The following ADGRB3 variants were observed in gnomAD, a reference collection of about 807,000 sequenced individuals.
ADGRB3 encodes the protein adhesion G protein-coupled receptor B3.
ADGRB3 carries 37 observed loss-of-function variants against 193.4 expected under a neutral mutation model. The observed-to-expected ratio is 0.19, with a 90% CI of 0.15 to 0.25. ADGRB3 has a LOEUF of 0.25. Among genes scored for constraint, ADGRB3 ranks in the 10% least tolerant of loss-of-function variants. The pLI, the probability that ADGRB3 is intolerant of heterozygous loss-of-function variation, is 1.00. For synonymous variants in ADGRB3, 690 were observed against 644.2 expected (o/e 1.07, Z -1.08); for missense variants, 1,637 against 1,852.9 (o/e 0.88, Z 2.14).
chr6:68,643,947 T>A (rs1467242414), intron 3 of ADGRB3, among the ~76,000 whole-genome samples: 11 of 147,940 alleles, frequency 7.4e-5, no homozygotes, highest in African/African-American at 1.5e-4. Flanking sequence ...AAAAAAAAAA[T>A]TCCATCTAAC....
At chr6:69,311,764 G>A (rs1400206493) in intron 20 of ADGRB3, among the ~76,000 whole-genome samples, 1 of 151,584 alleles carries the variant, frequency 6.6e-6, no homozygotes, top group Admixed American at 6.6e-5. Flanking sequence ...ATGTGCTTTA[G>A]ATTTCATTTC....
At chr6:69,085,844 T>C (rs576220211) in intron 17 of ADGRB3, among the ~76,000 whole-genome samples, 2 of 151,880 alleles carry the variant, frequency 1.3e-5, no homozygotes, top group East Asian at 3.9e-4. Flanking sequence ...AAATATAGAT[T>C]TGAATGAACA....
intron 12 of ADGRB3, among the ~76,000 whole-genome samples, chr6:69,015,657 C>T (rs1044287286): frequency 6.6e-6 from 1 of 151,908 alleles, no homozygotes; most frequent in African/African-American, 2.4e-5. Flanking sequence ...AAATGTAGAA[C>T]AGACCTCTGT....
chr6:69,322,386 G>A (rs1768477318), intron 20 of ADGRB3, among the ~76,000 whole-genome samples: 1 of 151,870 alleles, frequency 6.6e-6, no homozygotes, highest in African/African-American at 2.4e-5. Flanking sequence ...GGATTGCTGG[G>A]TCAAGTGATA....
intron 17 of ADGRB3, among the ~76,000 whole-genome samples, chr6:69,228,626 A>G (rs1292703640): frequency 6.6e-6 from 1 of 152,214 alleles, no homozygotes; most frequent in Non-Finnish European, 1.5e-5. Context: ...TGGTGATGGG[A>G]AAGTACCTGC....
intron 3 of ADGRB3, among the ~76,000 whole-genome samples, chr6:68,911,654 T>A (rs1322508809): frequency 6.6e-6 from 1 of 152,216 alleles, no homozygotes; most frequent in African/African-American, 2.4e-5. Flanking sequence ...GACGTGAAAC[T>A]TAACATTTAT....
At position 68,958,275 on chromosome 6, in the gene ADGRB3, C is replaced by A. The variant is rs571070544; in HGVS notation, c.1525+1466C>A. On this transcript the variant is annotated intron_variant, in intron 8 of 31. Transcript: ENST00000370598. ...ATTCAATATGATAAAAAGTAACCAG[C>A]ATGCAGGGTTGTTAAGAGGATGATA... is the stretch of plus-strand genomic sequence containing the variant. 3.3e-5 allele frequency among the ~76,000 whole-genome samples: 5 copies of A among 152,272 alleles called. No homozygotes were observed. In the East Asian group the frequency reaches 5.8e-4, roughly 18 times the overall value.
intron 11 of ADGRB3, among the ~76,000 whole-genome samples, chr6:69,000,333 G>A (rs533238018): frequency 2.4e-4 from 37 of 152,206 alleles, no homozygotes; most frequent in African/African-American, 8.7e-4. Context: ...TTGAGAATCT[G>A]GTCACAACAT....
chr6:69,357,413 TTA>T (rs1769358598), intron 28 of ADGRB3, among the ~76,000 whole-genome samples: 1 of 152,056 alleles, frequency 6.6e-6, no homozygotes, highest in Non-Finnish European at 1.5e-5. Flanking sequence ...CAATTTCAGG[TTA>T]GCATACTATC....
chr6:68,884,664 GA>G (rs1765854398), intron 3 of ADGRB3, among the ~76,000 whole-genome samples: 1 of 152,056 alleles, frequency 6.6e-6, no homozygotes, highest in Non-Finnish European at 1.5e-5. Flanking sequence ...TAGATACAAC[GA>G]AAATCTGGCA....
At chr6:69,372,155 A>C (rs1769719905) in intron 29 of ADGRB3, among the ~76,000 whole-genome samples, 1 of 152,056 alleles carries the variant, frequency 6.6e-6, no homozygotes, top group Admixed American at 6.6e-5. Flanking sequence ...AAAATGAGAA[A>C]TATTCTGTAT....
chr6:68,650,477 T>A (rs1271017591), intron 3 of ADGRB3, among the ~76,000 whole-genome samples: 1 of 152,070 alleles, frequency 6.6e-6, no homozygotes, highest in Non-Finnish European at 1.5e-5. Flanking sequence ...GAAATTTGTG[T>A]GAGCTGACAA....
At chr6:69,309,200 G>A (rs889369065) in intron 20 of ADGRB3, among the ~76,000 whole-genome samples, 3 of 151,626 alleles carry the variant, frequency 2.0e-5, no homozygotes, top group Admixed American at 2.0e-4. Context: ...CTACATGTCA[G>A]ATATTCCACT....
At chr6:69,095,759 T>C (rs1293438027) in intron 17 of ADGRB3, among the ~76,000 whole-genome samples, 5 of 152,320 alleles carry the variant, frequency 3.3e-5, no homozygotes, top group Non-Finnish European at 7.3e-5. Flanking sequence ...TACTGAAATG[T>C]ATTGCTTCAA....
intron 3 of ADGRB3, among the ~76,000 whole-genome samples, chr6:68,687,688 T>G (rs1042188517): frequency 6.6e-6 from 1 of 152,190 alleles, no homozygotes; most frequent in African/African-American, 2.4e-5. Context: ...GTATTTATTA[T>G]GTACCATTCA....
In ADGRB3 at chr6:68,868,882, G is replaced by T. The variant is rs568607896; in HGVS notation, c.758-61677G>T. The stretch of plus-strand genomic sequence containing the variant: ...AAAAAGTATTTAACATGCTGAATAT[G>T]ATTCTGGAAATAGGACTTCCAGATA... On this transcript the variant is annotated intron_variant, in intron 3 of 31. Transcript: ENST00000370598. Among the ~76,000 whole-genome samples the T allele has an allele frequency of 2.1e-5, 3 of 145,648 alleles. No homozygotes were observed. In the South Asian group the frequency reaches 6.6e-4, roughly 32 times the overall value.
At chr6:68,886,718 C>A (rs979993632) in intron 3 of ADGRB3, among the ~76,000 whole-genome samples, 2 of 151,872 alleles carry the variant, frequency 1.3e-5, no homozygotes, top group African/African-American at 4.8e-5. Flanking sequence ...TCAAATAGAA[C>A]CATTGTTCAT....
intron 3 of ADGRB3, among the ~76,000 whole-genome samples, chr6:68,658,292 C>G (rs978616188): frequency 2.0e-5 from 3 of 151,236 alleles, no homozygotes; most frequent in African/African-American, 7.3e-5. Flanking sequence ...ATACATATAA[C>G]ACAATATTAG....
At chr6:68,646,537 T>A (rs1420000437) in intron 3 of ADGRB3, among the ~76,000 whole-genome samples, 1 of 151,872 alleles carries the variant, frequency 6.6e-6, no homozygotes, top group African/African-American at 2.4e-5. Context: ...GGGGAATTGA[T>A]AAAAATAAAT....
Sources: gnomAD v4.1 joint callset for allele counts (sites outside exome capture counted in the v4.1 genomes callset) on GRCh38, gnomAD v4.1.1 for gene constraint, MANE v1.5 for transcripts, NCBI Gene and HGNC (gene_info 2026-07-23, HGNC 2026-07-21) for gene names.